The following KCNIP4 variants were observed in gnomAD, a reference collection of about 807,000 sequenced individuals.
KCNIP4 encodes the protein potassium voltage-gated channel interacting protein 4.
A neutral mutation model predicts 34.0 loss-of-function variants in KCNIP4; 12 were observed. The ratio of observed to expected loss-of-function variants is 0.35; its 90% confidence interval spans 0.23 to 0.57. The LOEUF (loss-of-function observed/expected upper bound fraction) is 0.57. Ranked by LOEUF, KCNIP4 falls within the 20% of genes least tolerant of loss-of-function variation. The probability of loss-of-function intolerance (pLI) is 0.83; values close to 1 mark genes in which losing one functional copy is unlikely to be tolerated. For missense variants in KCNIP4, 238 were observed against 311.7 expected (o/e 0.76, Z 1.78); for synonymous variants, 124 against 102.2 (o/e 1.21, Z -1.29).
At chr4:21,190,981 A>C (rs1413518064) in intron 1 of KCNIP4, among the ~76,000 whole-genome samples, 1 of 152,226 alleles carries the variant, frequency 6.6e-6, no homozygotes, top group Non-Finnish European at 1.5e-5. Context: ...AAGAAAGGCA[A>C]ATCTTGGTAG....
At chr4:21,126,389 C>T (rs1000324663) in intron 1 of KCNIP4, among the ~76,000 whole-genome samples, 3 of 152,028 alleles carry the variant, frequency 2.0e-5, no homozygotes, top group African/African-American at 7.2e-5. Flanking sequence ...CTGGTGATTT[C>T]TTTTGGTAGT....
chr4:21,024,653 C>T (rs145644340), intron 1 of KCNIP4, among the ~76,000 whole-genome samples: 18 of 152,246 alleles, frequency 1.2e-4, no homozygotes, highest in African/African-American at 4.1e-4. Context: ...ATTCTCTGTA[C>T]TAATTTGCTA....
At chr4:21,061,768 A>G (rs1743942932) in intron 1 of KCNIP4, among the ~76,000 whole-genome samples, 1 of 152,196 alleles carries the variant, frequency 6.6e-6, no homozygotes, top group Non-Finnish European at 1.5e-5. Context: ...AGTTCCCAGT[A>G]TCTCAGAATG....
chr4:20,791,010 C>T (rs759471976), intron 3 of KCNIP4, among the ~76,000 whole-genome samples: 1 of 152,080 alleles, frequency 6.6e-6, no homozygotes, highest in South Asian at 2.1e-4. Flanking sequence ...TATTGCTCAT[C>T]CCCAATCTTC....
intron 1 of KCNIP4, among the ~76,000 whole-genome samples, chr4:21,053,914 T>C (rs946490443): frequency 2.0e-5 from 3 of 152,214 alleles, no homozygotes; most frequent in Admixed American, 6.5e-5. Flanking sequence ...ATACTCAATA[T>C]TGTCAAGATG....
intron 3 of KCNIP4, among the ~76,000 whole-genome samples, chr4:20,796,129 T>C (rs1713422822): frequency 6.6e-6 from 1 of 152,232 alleles, no homozygotes; most frequent in South Asian, 2.1e-4. Flanking sequence ...GGATGTTTTC[T>C]TCTTTGATCT....
intron 1 of KCNIP4, among the ~76,000 whole-genome samples, chr4:20,883,415 G>A (rs1724934008): frequency 6.6e-6 from 1 of 152,114 alleles, no homozygotes; most frequent in Non-Finnish European, 1.5e-5. Flanking sequence ...ATGTGTGACA[G>A]CAGATACCTG....
intron 3 of KCNIP4, among the ~76,000 whole-genome samples, chr4:20,805,128 C>T (rs1714894530): frequency 6.9e-6 from 1 of 144,384 alleles, no homozygotes; most frequent in African/African-American, 2.6e-5. Flanking sequence ...AGAATGTAGG[C>T]AAAAGGAAGT....
chr4:21,761,120 A>G (rs1190972665), intron 1 of KCNIP4, among the ~76,000 whole-genome samples: 1 of 152,106 alleles, frequency 6.6e-6, no homozygotes, highest in Non-Finnish European at 1.5e-5. Flanking sequence ...TAATTTTTTG[A>G]GAGATGAGTC....
At chr4:21,865,742 C>G (rs951630483) in intron 1 of KCNIP4, among the ~76,000 whole-genome samples, 7 of 151,762 alleles carry the variant, frequency 4.6e-5, no homozygotes, top group Non-Finnish European at 1.0e-4. Context: ...GAGGTTTTAC[C>G]ATGTTGGCCA....
intron 1 of KCNIP4, among the ~76,000 whole-genome samples, chr4:21,709,702 A>G (rs1713569618): frequency 1.3e-5 from 2 of 152,192 alleles, no homozygotes; most frequent in Admixed American, 1.3e-4. Context: ...TGTGCTCAGT[A>G]AAAAAGATTT....
chr4:21,100,421 T>C (rs1260697258), intron 1 of KCNIP4, among the ~76,000 whole-genome samples: 3 of 152,072 alleles, frequency 2.0e-5, no homozygotes, highest in Non-Finnish European at 4.4e-5. Context: ...GGCGTGCTGG[T>C]ATGTACCTGT....
At chr4:20,903,920 G>A (rs539575056) in intron 1 of KCNIP4, among the ~76,000 whole-genome samples, 1 of 152,132 alleles carries the variant, frequency 6.6e-6, no homozygotes, top group Non-Finnish European at 1.5e-5. Flanking sequence ...CCTACTTGCT[G>A]CCCCACTCTA....
Position 21,370,838 on chromosome 4 carries a change from T to C in KCNIP4, c.62-488129A>G, listed in dbSNP as rs1191207272. Among the ~76,000 whole-genome samples the C allele has an allele frequency of 2.1e-3, 64 of 30,770 alleles. 2 individuals carry two copies. Among genetic ancestry groups the C allele is most frequent in the African/African-American group, 4.0e-3 (21 of 5,310 alleles). The allele number at this position is 30,770 out of a possible 152,430, so 20.2% of individuals were successfully genotyped here. A position where few individuals can be genotyped will look rare whatever the true frequency, so the allele number is the denominator to read the frequency against. On this transcript the variant is annotated intron_variant, in intron 1 of 8. Transcript: ENST00000382152. Reference sequence around the variant, plus strand: ...ATATATATATATATATATATATATATATATATATATATACACACACACACA... The same window carrying C: ...ATATATATATATATATATATATATACATATATATATATACACACACACACA...
intron 1 of KCNIP4, among the ~76,000 whole-genome samples, chr4:21,506,663 C>T (rs1327956786): frequency 6.6e-6 from 1 of 152,162 alleles, no homozygotes; most frequent in African/African-American, 2.4e-5. Flanking sequence ...ATGGGTAAAA[C>T]TATGTAATTA....
chr4:21,689,196 TGA>T (rs1396521839), intron 1 of KCNIP4, among the ~76,000 whole-genome samples: 1 of 152,160 alleles, frequency 6.6e-6, no homozygotes, highest in African/African-American at 2.4e-5. Context: ...TAAAGGCAAG[TGA>T]GTTTAAAAAT....
intron 1 of KCNIP4, among the ~76,000 whole-genome samples, chr4:21,246,885 A>C (rs1760244897): frequency 6.6e-6 from 1 of 152,218 alleles, no homozygotes; most frequent in Admixed American, 6.5e-5. Flanking sequence ...ATAGACTCTC[A>C]ACTATTATCA....
intron 1 of KCNIP4, among the ~76,000 whole-genome samples, chr4:21,519,710 G>GTGTATATACACACGTGTGTGTA (rs1735293991): frequency 1.5e-5 from 2 of 136,020 alleles, no homozygotes; most frequent in Non-Finnish European, 3.1e-5. Context: ...GTGTATGTAT[G>GTGTATATACACACGTGTGTGTA]TGTATATATA....
At chr4:21,645,754 A>T (rs1746965207) in intron 1 of KCNIP4, among the ~76,000 whole-genome samples, 1 of 152,086 alleles carries the variant, frequency 6.6e-6, no homozygotes, top group Non-Finnish European at 1.5e-5. Flanking sequence ...GGGCTGTATG[A>T]GTGGCAACAC....
Sources: allele counts gnomAD v4.1 joint callset (sites outside exome capture counted in the v4.1 genomes callset), GRCh38; gene constraint gnomAD v4.1.1; transcripts MANE v1.5; gene names NCBI Gene and HGNC (gene_info 2026-07-23, HGNC 2026-07-21).